The following KHDRBS2 variants were observed in gnomAD, a reference collection of about 807,000 sequenced individuals.
KHDRBS2 encodes the protein KH domain-containing, RNA-binding, signal transduction-associated protein 2.
KHDRBS2 carries 26 observed loss-of-function variants against 44.3 expected under a neutral mutation model. The ratio of observed to expected loss-of-function variants is 0.59; its 90% CI spans 0.43 to 0.81. The LOEUF (loss-of-function observed/expected upper bound fraction) is 0.81. Ranked by LOEUF, KHDRBS2 falls within the 40% of genes least tolerant of loss-of-function variation. The probability of loss-of-function intolerance (pLI) is 0.00; values close to 1 mark genes in which losing one functional copy is unlikely to be tolerated. For synonymous variants in KHDRBS2, 194 were observed against 151.1 expected (o/e 1.28, Z -2.08); for missense variants, 476 against 433.1 (o/e 1.10, Z -0.88).
intron 6 of KHDRBS2, among the ~76,000 whole-genome samples, chr6:61,785,678 G>A (rs1173994675): frequency 2.0e-5 from 3 of 151,884 alleles, no homozygotes; most frequent in Non-Finnish European, 2.9e-5. Context: ...TTGGGATTAC[G>A]TATATTTTAC....
At chr6:61,663,914 C>A in the KHDRBS2 span, among the ~76,000 whole-genome samples, 1 of 151,554 alleles carries the variant, frequency 6.6e-6, no homozygotes, top group African/African-American at 2.4e-5. Flanking sequence ...TATCAATATT[C>A]AAAAATGTAC....
At chr6:61,608,067 C>T in the KHDRBS2 span, among the ~76,000 whole-genome samples, 1 of 152,132 alleles carries the variant, frequency 6.6e-6, no homozygotes, top group Non-Finnish European at 1.5e-5. Flanking sequence ...TAAATCCCAA[C>T]AAGGTGTTTC....
chr6:62,165,964 T>C (rs1471994809), intron 2 of KHDRBS2, among the ~76,000 whole-genome samples: 1 of 152,050 alleles, frequency 6.6e-6, no homozygotes, highest in South Asian at 2.1e-4. Context: ...CAATTTATCA[T>C]TCTTTCCTCC....
At chr6:61,675,409 C>T (rs213807), downstream of KHDRBS2, among the ~76,000 whole-genome samples, 23,543 of 151,202 alleles carry the variant, frequency 0.16, 2,291 homozygotes, top group South Asian at 0.27. Context: ...ATACGGTATA[C>T]TAAAAGTGAA....
In KHDRBS2 at chr6:61,848,566, TATATATATAC is replaced by T. The variant is rs1256876260; in HGVS notation, c.810+46059_810+46068del. ...GTATATATATACATATATATATGTA[TATATATATAC>T]ATATATATATATATATACTTTTTTT... On this transcript the variant is annotated intron_variant, in intron 6 of 8. Coordinates refer to ENST00000281156, the MANE Select transcript of KHDRBS2 (RefSeq NM_152688.4). Among the ~76,000 whole-genome samples the T allele has an allele frequency of 7.8e-3, 482 of 61,718 alleles. 39 individuals are homozygous for T. Among genetic ancestry groups the T allele is most frequent in the South Asian group, 0.014 (21 of 1,544 alleles). The allele number at this position is 61,718 out of a possible 152,430, so 40.5% of individuals were successfully genotyped here.
chr6:61,853,157 C>T (rs146654440), intron 6 of KHDRBS2, among the ~76,000 whole-genome samples: 1 of 152,194 alleles, frequency 6.6e-6, no homozygotes, highest in East Asian at 1.9e-4. Context: ...GGATTCAGCC[C>T]TACTCTATGG....
intron 6 of KHDRBS2, among the ~76,000 whole-genome samples, chr6:61,886,163 G>T (rs576149807): frequency 6.6e-6 from 1 of 152,092 alleles, no homozygotes; most frequent in Non-Finnish European, 1.5e-5. Context: ...ACCTCAGGTT[G>T]CCTTCTGCTG....
chr6:62,182,379 A>T (rs1822499108), intron 1 of KHDRBS2, among the ~76,000 whole-genome samples: 1 of 152,050 alleles, frequency 6.6e-6, no homozygotes, highest in Non-Finnish European at 1.5e-5. Context: ...AGTCCTAGAG[A>T]ACCACTGTAC....
intron 3 of KHDRBS2, among the ~76,000 whole-genome samples, chr6:61,980,950 G>A (rs865852733): frequency 1.3e-5 from 2 of 152,080 alleles, no homozygotes; most frequent in South Asian, 2.1e-4. Context: ...AAAACCTCAC[G>A]TCAGAGTGAA....
chr6:62,054,308 GC>G (rs1789770227), intron 2 of KHDRBS2, among the ~76,000 whole-genome samples: 1 of 152,056 alleles, frequency 6.6e-6, no homozygotes, highest in African/African-American at 2.4e-5. Flanking sequence ...ACAGTATGAA[GC>G]ATCCAGTCCT....
the KHDRBS2 span, among the ~76,000 whole-genome samples, chr6:61,616,802 C>T: frequency 3.0e-4 from 45 of 152,152 alleles, no homozygotes; most frequent in African/African-American, 1.1e-3. Context: ...ATAGACCCAG[C>T]TCCCCGATTC....
At chr6:62,230,292 G>A (rs1020217155) in intron 1 of KHDRBS2, among the ~76,000 whole-genome samples, 5 of 152,134 alleles carry the variant, frequency 3.3e-5, no homozygotes, top group African/African-American at 1.2e-4. Context: ...TGACAAATAT[G>A]ACAGAAGTAG....
chr6:62,094,467 T>G (rs1800140074), intron 2 of KHDRBS2, among the ~76,000 whole-genome samples: 1 of 151,960 alleles, frequency 6.6e-6, no homozygotes, highest in Non-Finnish European at 1.5e-5. Flanking sequence ...TGCATATATA[T>G]TCTCTCATTT....
chr6:62,192,113 C>T (rs1415213519), intron 1 of KHDRBS2, among the ~76,000 whole-genome samples: 6 of 151,870 alleles, frequency 4.0e-5, no homozygotes, highest in African/African-American at 1.4e-4. Flanking sequence ...AGAAAATAAG[C>T]TCTCAGAGAG....
chr6:62,198,435 C>T (rs1311729426), intron 1 of KHDRBS2, among the ~76,000 whole-genome samples: 2 of 152,066 alleles, frequency 1.3e-5, no homozygotes, highest in Non-Finnish European at 2.9e-5. Flanking sequence ...ATGCAAACTA[C>T]CATCAGAGAA....
intron 1 of KHDRBS2, among the ~76,000 whole-genome samples, chr6:62,270,799 C>T (rs1281526205): frequency 1.3e-5 from 2 of 151,986 alleles, no homozygotes; most frequent in East Asian, 3.9e-4. Context: ...GCATAGGATT[C>T]ACGAGATGAC....
At chr6:62,113,467 G>A (rs999967814) in intron 2 of KHDRBS2, among the ~76,000 whole-genome samples, 1 of 152,006 alleles carries the variant, frequency 6.6e-6, no homozygotes, top group Non-Finnish European at 1.5e-5. Context: ...TAATATATGA[G>A]GTACAGAAAA....
intron 2 of KHDRBS2, among the ~76,000 whole-genome samples, chr6:62,073,200 T>C (rs551990036): frequency 6.6e-6 from 1 of 151,970 alleles, no homozygotes; most frequent in East Asian, 1.9e-4. Context: ...ACCTGGAATT[T>C]TCATTGTGGG....
intron 2 of KHDRBS2, among the ~76,000 whole-genome samples, chr6:62,053,907 G>T (rs1266123512): frequency 6.6e-6 from 1 of 151,916 alleles, no homozygotes; most frequent in African/African-American, 2.4e-5. Context: ...ATTTTTGTAT[G>T]CCAGCAGCAT....
Sources: allele counts gnomAD v4.1 joint callset (sites outside exome capture counted in the v4.1 genomes callset), GRCh38; gene constraint gnomAD v4.1.1; transcripts MANE v1.5; gene names NCBI Gene and HGNC (gene_info 2026-07-23, HGNC 2026-07-21).